Variants in RAB10 observed in about 807,000 individuals in gnomAD.
RAB10 encodes the protein RAB10, member RAS oncogene family, also known as ras-related protein Rab-10.
In RAB10, 5 loss-of-function variants were observed where a neutral mutation model predicts 25.7. That is an observed-to-expected ratio of 0.19 (90% CI 0.10 to 0.41). The LOEUF is 0.41. RAB10 is among the 10% of genes least tolerant of loss of function. RAB10 has a pLI of 1.00. For missense variants in RAB10, 103 were observed against 245.8 expected (o/e 0.42, Z 3.89); for synonymous variants, 89 against 86.4 (o/e 1.03, Z -0.16).
chr2:26,113,743 T>TAAAAAAAAAAAAAAAAAAAAAAAAA (rs56063928), intron 3 of RAB10, among the ~76,000 whole-genome samples: 1 of 125,616 alleles, frequency 8.0e-6, no homozygotes, highest in Non-Finnish European at 1.7e-5. Flanking sequence ...CAGCCAGAGC[T>TAAAAAAAAAAAAAAAAAAAAAAAAA]AAAAAAAAAA....
rs147706436 is a variant in RAB10 at position 26,102,316 on chromosome 2, T to A, written c.188+3594T>A. Among the ~76,000 whole-genome samples the A allele has an allele frequency of 2.1e-3, 327 of 152,314 alleles. 1 individual carries two copies. Among genetic ancestry groups the A allele is most frequent in the Middle Eastern group, 6.8e-3 (2 of 294 alleles). On this transcript the variant is annotated intron_variant, in intron 2 of 5. Coordinates refer to ENST00000264710, the MANE Select transcript of RAB10 (RefSeq NM_016131.5). ...GCCTGGAATAATGTCTAGTGTGTAG[T>A]ACTTAATAATACTGGTAGAATGAAA...
chr2:26,118,566 A>G (rs1432754659), intron 3 of RAB10, among the ~76,000 whole-genome samples: 4 of 152,314 alleles, frequency 2.6e-5, no homozygotes, highest in South Asian at 4.1e-4. Context: ...TTAAACTTCA[A>G]CATCCTTTTA....
At chr2:26,062,630 A>G (rs915505627) in intron 1 of RAB10, among the ~76,000 whole-genome samples, 2 of 152,056 alleles carry the variant, frequency 1.3e-5, no homozygotes, top group Non-Finnish European at 2.9e-5. Context: ...GTGAGCCGAG[A>G]TCATGCTACT....
At chr2:26,059,549 A>G (rs951244908) in intron 1 of RAB10, among the ~76,000 whole-genome samples, 1 of 152,230 alleles carries the variant, frequency 6.6e-6, no homozygotes, top group Non-Finnish European at 1.5e-5. Context: ...AAAAATTGTG[A>G]GTACTTTGGT....
chr2:26,057,949 G>C (rs1290159044), intron 1 of RAB10, among the ~76,000 whole-genome samples: 1 of 152,086 alleles, frequency 6.6e-6, no homozygotes, highest in South Asian at 2.1e-4. Context: ...AAGTCTCTCT[G>C]AACTTCTCTT....
At chr2:26,082,669 T>A (rs954712719) in intron 1 of RAB10, among the ~76,000 whole-genome samples, 5 of 152,138 alleles carry the variant, frequency 3.3e-5, no homozygotes, top group Non-Finnish European at 7.4e-5. Context: ...CACTGGTGAT[T>A]TATATCAAAT....
intron 1 of RAB10, among the ~76,000 whole-genome samples, chr2:26,070,544 T>C (rs2053367): frequency 0.77 from 117,202 of 152,048 alleles, 45,224 homozygotes; most frequent in East Asian, 0.87. Flanking sequence ...TACAATATTA[T>C]GAAGAGGGCA....
At chr2:26,038,307 C>T (rs902871069) in intron 1 of RAB10, among the ~76,000 whole-genome samples, 1 of 151,828 alleles carries the variant, frequency 6.6e-6, no homozygotes, top group Non-Finnish European at 1.5e-5. Flanking sequence ...AGCGATTCTC[C>T]TGCCTCAGCC....
intron 1 of RAB10, among the ~76,000 whole-genome samples, chr2:26,090,970 A>T (rs1029918102): frequency 2.0e-5 from 3 of 151,168 alleles, no homozygotes; most frequent in Admixed American, 6.6e-5. Flanking sequence ...CTGATATCTC[A>T]TTGGAACCTT....
chr2:26,045,794 A>G (rs559684927), intron 1 of RAB10, among the ~76,000 whole-genome samples: 2 of 152,260 alleles, frequency 1.3e-5, no homozygotes, highest in South Asian at 2.1e-4. Flanking sequence ...GACTGGATCA[A>G]ATTCCTGGGC....
rs140479291 is a variant in RAB10 at position 26,135,209 on chromosome 2, CA to C, written c.*195del. On this transcript the variant is annotated 3_prime_UTR_variant, in exon 6 of 6. Coordinates refer to ENST00000264710, the MANE Select transcript of RAB10 (RefSeq NM_016131.5). ...TGACTTTATCATAATTTTCTTCAAA[CA>C]AAAAAATGTATAGAAAAATCATGTC... 10 of 497,000 alleles carry C rather than the reference CA, an allele frequency of 2.0e-5. No homozygotes were observed. The highest frequency in any genetic ancestry group is 6.5e-5 in the East Asian group (2 of 30,622). The allele number at this position is 497,000 out of a possible 1,614,324, so 30.8% of individuals were successfully genotyped here.
chr2:26,069,420 C>T (rs1666578642), intron 1 of RAB10, among the ~76,000 whole-genome samples: 1 of 152,120 alleles, frequency 6.6e-6, no homozygotes, highest in South Asian at 2.1e-4. Context: ...GTGGCTCACA[C>T]CTGTAATCCC....
At chr2:26,106,833 C>T (rs6750695) in intron 2 of RAB10, among the ~76,000 whole-genome samples, 115,855 of 151,954 alleles carry the variant, frequency 0.76, 44,247 homozygotes, top group East Asian at 0.87. Flanking sequence ...TGCAATGTGC[C>T]GAGATCACAC....
intron 1 of RAB10, among the ~76,000 whole-genome samples, chr2:26,058,749 T>A (rs1003027727): frequency 2.6e-5 from 4 of 152,198 alleles, no homozygotes; most frequent in Non-Finnish European, 4.4e-5. Flanking sequence ...TGTGGCATAT[T>A]CTCTCATTTC....
At chr2:26,133,009 A>G (rs1312572505) in intron 5 of RAB10, among the ~76,000 whole-genome samples, 1 of 152,096 alleles carries the variant, frequency 6.6e-6, no homozygotes, top group Non-Finnish European at 1.5e-5. Context: ...TGGAAACCCC[A>G]CAGAGGTCTT....
chr2:26,111,764 A>G (rs1398260401), intron 3 of RAB10, among the ~76,000 whole-genome samples: 1 of 152,166 alleles, frequency 6.6e-6, no homozygotes, highest in Non-Finnish European at 1.5e-5. Flanking sequence ...CTACCACATG[A>G]ACTGGTGTCC....
chr2:26,081,098 G>T (rs1029371552), intron 1 of RAB10, among the ~76,000 whole-genome samples: 34 of 152,090 alleles, frequency 2.2e-4, no homozygotes, highest in African/African-American at 8.0e-4. Context: ...AAAAATGGAA[G>T]TTTCCCTGCA....
chr2:26,117,598 C>T (rs1423519218), intron 3 of RAB10, among the ~76,000 whole-genome samples: 1 of 136,558 alleles, frequency 7.3e-6, no homozygotes, highest in African/African-American at 2.8e-5. Context: ...CCAGACTGGG[C>T]GACAGAGCGA....
chr2:26,034,408 T>C lies in RAB10; in HGVS notation c.-201T>C. On this transcript the variant is annotated 5_prime_UTR_variant, in exon 1 of 6. Coordinates refer to ENST00000264710, the MANE Select transcript of RAB10 (RefSeq NM_016131.5). The stretch of plus-strand genomic sequence containing the variant: ...GCTGGGAGAGGCTGCGGAGCCGCGG[T>C]CGCCGCCCTCGGAGGCACTGGACGC... 1 of 663,938 alleles carries C rather than the reference T, an allele frequency of 1.5e-6. No homozygotes were observed. The highest frequency in any genetic ancestry group is 2.5e-6 in the Non-Finnish European group (1 of 398,208). 41.1% of individuals were successfully genotyped at this position (663,938 alleles called of 1,614,324 possible). A position where few individuals can be genotyped will look rare whatever the true frequency, so the allele number is the denominator to read the frequency against.
Sources: allele counts gnomAD v4.1 joint callset (sites outside exome capture counted in the v4.1 genomes callset), GRCh38; gene constraint gnomAD v4.1.1; transcripts MANE v1.5; gene names NCBI Gene and HGNC (gene_info 2026-07-23, HGNC 2026-07-21).